The following FAAH2 variants were observed in gnomAD, a reference collection of about 807,000 sequenced individuals.
The protein encoded by FAAH2 is fatty acid amide hydrolase 2.
Under a neutral mutation model 36.9 loss-of-function variants are expected in FAAH2, and 60 were observed. That is an observed-to-expected ratio of 1.63 (90% CI 1.32 to 2.02). The LOEUF is 2.02. Ranked by LOEUF, FAAH2 falls within the 30% of genes most tolerant of loss-of-function variation. FAAH2 has a pLI of 0.00. For missense variants in FAAH2, 689 were observed against 397.5 expected, an observed-to-expected ratio of 1.73 and a Z score of -6.23; for synonymous variants, 214 against 143.8, an observed-to-expected ratio of 1.49 and a Z score of -3.49.
the FAAH2 span, among the ~76,000 whole-genome samples, chrX:57,280,571 G>A: frequency 5.5e-5 from 6 of 109,344 alleles, no homozygotes; most frequent in Admixed American, 9.8e-5. Flanking sequence ...ATGCTGCTGA[G>A]CATGCAGTGA....
chrX:57,436,626 T>C (rs1324832834), intron 8 of FAAH2, among the ~76,000 whole-genome samples: 1 of 111,139 alleles, frequency 9.0e-6, no homozygotes, highest in African/African-American at 3.3e-5. Flanking sequence ...TTAAGAACTC[T>C]ACTTCCACAA....
chrX:57,277,728 C>T, the FAAH2 span, among the ~76,000 whole-genome samples: 1 of 112,153 alleles, frequency 8.9e-6, no homozygotes, highest in Non-Finnish European at 1.9e-5. Flanking sequence ...AGCAAAATCT[C>T]AGGATACAAA....
At chrX:57,412,444 C>A (rs1207543974) in intron 7 of FAAH2, among the ~76,000 whole-genome samples, 1 of 111,093 alleles carries the variant, frequency 9.0e-6, no homozygotes, top group Non-Finnish European at 1.9e-5. Context: ...CATTGTTCAA[C>A]TCCCAGTTAT....
chrX:57,158,202 T>A, the FAAH2 span, among the ~76,000 whole-genome samples: 1 of 112,176 alleles, frequency 8.9e-6, no homozygotes, highest in African/African-American at 3.2e-5. Context: ...GGCTGCATAG[T>A]ATTCCATGGC....
the FAAH2 span, among the ~76,000 whole-genome samples, chrX:57,165,726 G>T: frequency 1.8e-5 from 2 of 110,790 alleles, no homozygotes; most frequent in African/African-American, 3.3e-5. Context: ...AGAAAAAAAA[G>T]AAATTCATAT....
At chrX:57,217,821 G>A in the FAAH2 span, among the ~76,000 whole-genome samples, 1 of 111,972 alleles carries the variant, frequency 8.9e-6, no homozygotes, top group South Asian at 3.7e-4. Context: ...TGTGAAGAAT[G>A]ATGGTGGTAT....
At chrX:57,323,578 T>G (rs918662712) in intron 3 of FAAH2, among the ~76,000 whole-genome samples, 1 of 111,867 alleles carries the variant, frequency 8.9e-6, no homozygotes, top group Non-Finnish European at 1.9e-5. Flanking sequence ...ATTTCTCTGA[T>G]GGACAGTGAT....
chrX:57,197,991 T>A, the FAAH2 span, among the ~76,000 whole-genome samples: 1 of 111,752 alleles, frequency 8.9e-6, no homozygotes, highest in African/African-American at 3.3e-5. Flanking sequence ...GTGTAATGGA[T>A]TGAGTTTGTT....
At chrX:57,445,209 G>A (rs991333764) in intron 8 of FAAH2, among the ~76,000 whole-genome samples, 4 of 111,635 alleles carry the variant, frequency 3.6e-5, no homozygotes, top group African/African-American at 6.5e-5. Flanking sequence ...GCAGTAGGTG[G>A]CGTCTTAAGC....
the FAAH2 span, among the ~76,000 whole-genome samples, chrX:57,261,333 A>T: frequency 9.1e-6 from 1 of 110,373 alleles, no homozygotes; most frequent in South Asian, 3.8e-4. Context: ...CGGGTGGATC[A>T]TCTGAGGTCA....
the FAAH2 span, among the ~76,000 whole-genome samples, chrX:57,199,017 C>T: frequency 4.5e-5 from 5 of 109,979 alleles, no homozygotes; most frequent in African/African-American, 1.7e-4. Flanking sequence ...TTTTGTTTTC[C>T]TGGTATGTTC....
the FAAH2 span, among the ~76,000 whole-genome samples, chrX:57,181,974 G>GA: frequency 1.1e-4 from 12 of 110,844 alleles, no homozygotes; most frequent in East Asian, 2.8e-4. Context: ...ACAAGCAATA[G>GA]AAAAAAAACC....
the FAAH2 span, among the ~76,000 whole-genome samples, chrX:57,182,905 G>A: frequency 0.33 from 36,769 of 109,988 alleles, 5,064 homozygotes; most frequent in Middle Eastern, 0.61. Context: ...CATAGTTGGA[G>A]CTGGAGGCCA....
At chrX:57,425,746 A>G (rs1397796735) in intron 7 of FAAH2, among the ~76,000 whole-genome samples, 2 of 111,480 alleles carry the variant, frequency 1.8e-5, no homozygotes, top group Non-Finnish European at 3.8e-5. Context: ...AATACTCTCC[A>G]TCATAAGAGC....
chrX:57,383,718 A>G (rs927148537), intron 7 of FAAH2, among the ~76,000 whole-genome samples: 1 of 112,000 alleles, frequency 8.9e-6, no homozygotes, highest in Non-Finnish European at 1.9e-5. Context: ...TGGATAGGAA[A>G]AATCAATATC....
chrX:57,299,146 A>G (rs993855931), intron 2 of FAAH2, among the ~76,000 whole-genome samples: 1 of 111,564 alleles, frequency 9.0e-6, no homozygotes, highest in Non-Finnish European at 1.9e-5. Flanking sequence ...ACAGAGACAC[A>G]ACAAAAAAAA....
At chrX:57,263,710 C>T in the FAAH2 span, among the ~76,000 whole-genome samples, 2 of 111,309 alleles carry the variant, frequency 1.8e-5, no homozygotes, top group Non-Finnish European at 3.8e-5. Flanking sequence ...TATGTATATA[C>T]AATTGTATCT....
intron 7 of FAAH2, among the ~76,000 whole-genome samples, chrX:57,383,365 A>G (rs1218602072): frequency 8.9e-6 from 1 of 111,877 alleles, no homozygotes; most frequent in African/African-American, 3.3e-5. Flanking sequence ...GTTTTCAACT[A>G]GAAAAGAGGA....
rs2053428398 is a variant in FAAH2 at position 57,332,236 on chromosome X, T to A, written c.622+429T>A. On this transcript the variant is annotated intron_variant, in intron 4 of 10. Coordinates refer to ENST00000374900, the MANE Select transcript of FAAH2 (RefSeq NM_174912.4). ...GACTTCTTTTAATATATGACCTTGG[T>A]CACATGAAGTAGGTGCTCATTAAGT... 2.7e-5 allele frequency among the ~76,000 whole-genome samples: 3 copies of A among 112,426 alleles called. No homozygotes were observed. The East Asian group carries it at 8.4e-4, about 32-fold the overall frequency.
Sources: allele counts gnomAD v4.1 joint callset (sites outside exome capture counted in the v4.1 genomes callset), GRCh38; gene constraint gnomAD v4.1.1; transcripts MANE v1.5; gene names NCBI Gene and HGNC (gene_info 2026-07-23, HGNC 2026-07-21).